Variants in ACAN observed in about 807,000 individuals in gnomAD.
ACAN encodes the protein aggrecan, also known as aggrecan core protein.
A neutral mutation model predicts 169.1 loss-of-function variants in ACAN; 47 were observed. The ratio of observed to expected loss-of-function variants is 0.28; its 90% CI spans 0.22 to 0.35. The LOEUF (loss-of-function observed/expected upper bound fraction) is 0.35, where lower values mean the gene tolerates loss of function less well. Ranked by LOEUF, ACAN falls within the 10% of genes least tolerant of loss-of-function variation. The pLI, the probability that ACAN is intolerant of heterozygous loss-of-function variation, is 1.00. For missense variants in ACAN, 2,716 were observed against 2,759.9 expected (o/e 0.98, Z 0.36); for synonymous variants, 1,115 against 1,112.2 (o/e 1.00, Z -0.05).
intron 1 of ACAN, among the ~76,000 whole-genome samples, chr15:88,828,812 G>A (rs1012334146): frequency 1.3e-5 from 2 of 152,156 alleles, no homozygotes; most frequent in Non-Finnish European, 2.9e-5. Flanking sequence ...TGGAAAATCC[G>A]AGGCTCCGGG....
intron 1 of ACAN, among the ~76,000 whole-genome samples, chr15:88,806,804 A>G (rs1434282612): frequency 6.6e-6 from 1 of 152,146 alleles, no homozygotes; most frequent in Non-Finnish European, 1.5e-5. Context: ...AGGGATGTCT[A>G]GCACCAGATT....
At position 88,872,957 on chromosome 15, in the gene ACAN, A is replaced by G. The variant is rs754538010; in HGVS notation, c.7379A>G (p.His2460Arg). 1 of 1,613,908 alleles carries G rather than the reference A, an allele frequency of 6.2e-7. No individual in the cohort carries two copies. Among genetic ancestry groups the G allele is most frequent in the Admixed American group, 1.7e-5 (1 of 60,012 alleles). The change falls in exon 17 of 19, where the codon CAC (histidine) becomes CGC (arginine). Residue 2460 changes from histidine to arginine, a missense_variant. Physicochemically the swap from His to Arg is conservative, Grantham distance 29. Around this residue, in one of 3 missense-constraint regions of ACAN, gnomAD observed 1,389 missense variants for 1,363.7 expected, o/e 1.02. Coordinates refer to ENST00000560601, the MANE Select transcript of ACAN (RefSeq NM_001369268.1). The surrounding 1 kb of genome is among the most constrained non-coding windows in gnomAD (Gnocchi z 5.4). ...AGEDCVVMIW[H>R]EKGEWNDVPC... ...GAGGACTGTGTGGTGATGATCTGGCACGAGAAGGGCGAGTGGAATGATGTT... is the reference window on the plus strand; with the variant it reads ...GAGGACTGTGTGGTGATGATCTGGCGCGAGAAGGGCGAGTGGAATGATGTT...
intron 1 of ACAN, among the ~76,000 whole-genome samples, chr15:88,821,576 G>C (rs1258946273): frequency 6.6e-6 from 1 of 152,212 alleles, no homozygotes; most frequent in Non-Finnish European, 1.5e-5. Context: ...TTTGACAGAG[G>C]AAAGGAAAGA....
rs1029639481 is a variant in ACAN, at chr15:88,839,337, AG to A, written c.454+292del. 1.3e-5 allele frequency among the ~76,000 whole-genome samples: 2 copies of A among 152,176 alleles called. No homozygotes were observed. Among genetic ancestry groups the A allele is most frequent in the African/African-American group, 4.8e-5 (2 of 41,448 alleles). On this transcript the variant is annotated intron_variant, in intron 3 of 18. Coordinates refer to ENST00000560601, the MANE Select transcript of ACAN (RefSeq NM_001369268.1). The surrounding 1 kb of genome is among the most constrained non-coding windows in gnomAD (Gnocchi z 4.5). ...TGTGATCGTGCCCATTTTACAGACAAGCAAACTGAGGGCAAGTGACTTGCCT... is the reference window on the plus strand; with the variant it reads ...TGTGATCGTGCCCATTTTACAGACAACAAACTGAGGGCAAGTGACTTGCCT...
At position 88,843,795 on chromosome 15, in the gene ACAN, C is replaced by T. The variant is rs998138678; in HGVS notation, c.1051+147C>T. The T allele has an allele frequency of 1.8e-5, 18 of 986,692 alleles. No homozygotes were observed. In the Admixed American group the frequency reaches 4.7e-4, roughly 26 times the overall value. 61.1% of individuals were successfully genotyped at this position (986,692 alleles called of 1,614,324 possible). A position where few individuals can be genotyped will look rare whatever the true frequency, so the allele number is the denominator to read the frequency against. On this transcript the variant is annotated intron_variant, in intron 6 of 18. Coordinates refer to ENST00000560601, the MANE Select transcript of ACAN (RefSeq NM_001369268.1). This position sits in a 1 kb window ranked among gnomAD's most constrained non-coding sequence, Gnocchi z 4.0. ...ACCCCATGTTTTTAGGACACCCCTC[C>T]ATTTTCACTGGTTCCTAGGAAGCCC...
chr15:88,849,707 C>T lies in ACAN; in HGVS notation c.2002C>T (p.Arg668Trp), dbSNP rs766715171. Residue 668 changes from arginine (R) to tryptophan (W), a missense_variant, in exon 10 of 19, where the codon CGG (arginine) becomes TGG (tryptophan). Transcript: ENST00000560601. The surrounding 1 kb of genome is among the most constrained non-coding windows in gnomAD (Gnocchi z 5.1). ...GACGGGCCTCCCAGACCCACTGTCC[C>T]GGCACCATGCCTTCTGCTTCCGAGG... ...NQTGLPDPLS[R>W]HHAFCFRGIS... 30 of 1,613,698 alleles carry T rather than the reference C, an allele frequency of 1.9e-5. No individual in the cohort carries two copies. The Admixed American group carries it at 2.8e-4, about 15-fold the overall frequency.
rs1052222429 is a variant in ACAN at position 88,871,899 on chromosome 15, C to A, written c.7220-104C>A. The A allele has an allele frequency of 2.8e-6, 3 of 1,060,060 alleles. No individual in the cohort carries two copies. Among genetic ancestry groups the A allele is most frequent in the Admixed American group, 1.7e-5 (1 of 57,460 alleles). 65.7% of individuals were successfully genotyped at this position (1,060,060 alleles called of 1,614,324 possible). On this transcript the variant is annotated intron_variant, in intron 15 of 18. Coordinates refer to ENST00000560601, the MANE Select transcript of ACAN (RefSeq NM_001369268.1). The surrounding 1 kb of genome is among the most constrained non-coding windows in gnomAD (Gnocchi z 7.8). ...ACGTGCCTTGCTCCTAGGAGCCCACCCACCTCCTTTCCTCCTCCATCCCCT... is the reference window on the plus strand; with the variant it reads ...ACGTGCCTTGCTCCTAGGAGCCCACACACCTCCTTTCCTCCTCCATCCCCT...
chr15:88,820,166 T>C (rs1486751576), intron 1 of ACAN, among the ~76,000 whole-genome samples: 2 of 152,250 alleles, frequency 1.3e-5, no homozygotes, highest in Non-Finnish European at 2.9e-5. Context: ...TTAAAGGACG[T>C]AGTTGTGATA....
At chr15:88,867,053 T>A (rs899984933) in intron 13 of ACAN, among the ~76,000 whole-genome samples, 2 of 152,150 alleles carry the variant, frequency 1.3e-5, no homozygotes, top group Non-Finnish European at 2.9e-5. Flanking sequence ...ATAATAGCAT[T>A]TATCATGTTC....
chr15:88,834,782 A>G (rs1426597721), intron 1 of ACAN, among the ~76,000 whole-genome samples: 2 of 152,232 alleles, frequency 1.3e-5, no homozygotes, highest in Non-Finnish European at 2.9e-5. Context: ...GTTCTAGGCC[A>G]GCGGTGCTCC....
chr15:88,824,329 AAC>A (rs1015122701), intron 1 of ACAN, among the ~76,000 whole-genome samples: 10 of 143,164 alleles, frequency 7.0e-5, no homozygotes, highest in Admixed American at 1.4e-4. Flanking sequence ...CAAAAAAAAA[AAC>A]AACAACAACA....
At chr15:88,835,261 G>A (rs1896472499) in intron 1 of ACAN, among the ~76,000 whole-genome samples, 1 of 152,132 alleles carries the variant, frequency 6.6e-6, no homozygotes, top group Non-Finnish European at 1.5e-5. Flanking sequence ...TTTGAAGTTG[G>A]TGGCAGGCCC....
intron 1 of ACAN, among the ~76,000 whole-genome samples, chr15:88,816,768 A>G (rs1010228147): frequency 2.0e-5 from 3 of 152,218 alleles, no homozygotes; most frequent in African/African-American, 7.2e-5. Flanking sequence ...CCATGGATCA[A>G]GGTATGTGTG....
In ACAN at chr15:88,847,413, G is replaced by A. The variant is rs764074781; in HGVS notation, c.1600G>A (p.Val534Ile). 64 of 1,571,262 alleles carry A rather than the reference G, an allele frequency of 4.1e-5. No homozygotes were observed. Among genetic ancestry groups the A allele is most frequent in the Non-Finnish European group, 5.2e-5 (60 of 1,154,626 alleles). ...CDAGWLRDQTVRYPIVSPRTP... is the reference protein window; with the variant it reads ...CDAGWLRDQTIRYPIVSPRTP... The stretch of plus-strand genomic sequence containing the variant: ...CGCCGGCTGGCTGCGGGACCAGACC[G>A]TCAGGTGAAGCCATGCTCCTCGCCC... The change falls in exon 8 of 19, where the codon GTC becomes ATC. Residue 534 changes from valine to isoleucine, a missense_variant. Val to Ile is a conservative substitution (Grantham distance 29). This residue lies in a region of ACAN where 1,283 missense variants were observed against 1,281.5 expected (regional missense o/e 1.00). Transcript: ENST00000560601.
At chr15:88,809,178 G>A (rs909669624) in intron 1 of ACAN, among the ~76,000 whole-genome samples, 4 of 152,296 alleles carry the variant, frequency 2.6e-5, no homozygotes, top group African/African-American at 7.2e-5. Context: ...GCATCCACAC[G>A]TGTGATCAGG....
chr15:88,829,992 G>A (rs896342427), intron 1 of ACAN, among the ~76,000 whole-genome samples: 2 of 152,164 alleles, frequency 1.3e-5, no homozygotes, highest in Non-Finnish European at 2.9e-5. Flanking sequence ...ATAGCTGGGG[G>A]GAATACAACC....
chr15:88,831,399 G>A (rs1212646779), intron 1 of ACAN, among the ~76,000 whole-genome samples: 2 of 152,210 alleles, frequency 1.3e-5, no homozygotes, highest in Admixed American at 6.5e-5. Flanking sequence ...TACCTCATTT[G>A]GCTGGGCACC....
In ACAN at chr15:88,843,016, A is replaced by G. The variant is rs1321428132; in HGVS notation, c.758-339A>G. On this transcript the variant is annotated intron_variant, in intron 5 of 18. Coordinates refer to ENST00000560601, the MANE Select transcript of ACAN (RefSeq NM_001369268.1). This position sits in a 1 kb window ranked among gnomAD's most constrained non-coding sequence, Gnocchi z 4.0. ...CTTGAGTAGGCAATGCTTAACTCCT[A>G]GGAAAGATCCCCCTGTGGTGGAATG... Among the ~76,000 whole-genome samples, 2 of 152,202 alleles carry G rather than the reference A, an allele frequency of 1.3e-5. No homozygotes were observed. The highest frequency in any genetic ancestry group is 4.8e-5 in the African/African-American group (2 of 41,450).
At chr15:88,824,195 GC>G (rs1896149200) in intron 1 of ACAN, among the ~76,000 whole-genome samples, 1 of 151,880 alleles carries the variant, frequency 6.6e-6, no homozygotes, top group Admixed American at 6.6e-5. Flanking sequence ...GTGGTGGCGG[GC>G]ACCTGTAGTC....
Sources: gnomAD v4.1 joint callset for allele counts (sites outside exome capture counted in the v4.1 genomes callset) on GRCh38, gnomAD v4.1.1 for gene constraint, gnomAD v4.1.1 regional missense constraint, Gnocchi (gnomAD v3.1) non-coding constraint, MANE v1.5 for transcripts, NCBI Gene and HGNC (gene_info 2026-07-23, HGNC 2026-07-21) for gene names.